SPARCL1: variants seen among roughly 807,000 people sequenced by gnomAD.
SPARCL1 encodes SPARC-like protein 1.
SPARCL1 carries 52 observed loss-of-function variants against 67.1 expected under a neutral mutation model. The ratio of observed to expected loss-of-function variants is 0.78; its 90% CI spans 0.62 to 0.98. The LOEUF (loss-of-function observed/expected upper bound fraction) is 0.98, where lower values mean the gene tolerates loss of function less well. Ranked by LOEUF, SPARCL1 falls within the 50% of genes least tolerant of loss-of-function variation. The probability of loss-of-function intolerance (pLI) is 0.00; values close to 1 mark genes in which losing one functional copy is unlikely to be tolerated. For missense variants in SPARCL1, 717 were observed against 782.4 expected (o/e 0.92, Z 1.00); for synonymous variants, 226 against 267.8 (o/e 0.84, Z 1.52).
rs57597004 is a variant in SPARCL1 at position 87,486,888 on chromosome 4, C to CTTT, written c.1531+3382_1531+3384dup. 7.5e-4 allele frequency among the ~76,000 whole-genome samples: 21 copies of CTTT among 27,984 alleles called. 1 individual carries two copies. The highest frequency in any genetic ancestry group is 1.1e-3 in the Non-Finnish European group (16 of 14,146). 18.4% of individuals were successfully genotyped at this position (27,984 alleles called of 152,430 possible). ...TCTGAGGCTAGTATTGCAATTCCTG[C>CTTT]TTTTTTTTTTTTTTTTTTTTTTTTT... On this transcript the variant is annotated intron_variant, in intron 7 of 10. Coordinates refer to ENST00000282470, the MANE Select transcript of SPARCL1 (RefSeq NM_004684.6).
In SPARCL1 at chr4:87,493,652, A is replaced by G. The variant is rs144036698; in HGVS notation, c.1148T>C (p.Ile383Thr). Residue 383 changes from isoleucine (I) to threonine (T), a missense_variant, in exon 4 of 11, where the codon ATT becomes ACT. Transcript: ENST00000282470. The stretch of plus-strand genomic sequence containing the variant: ...ATGTACTTTTTCTCTTTGCTCCTCA[A>G]TTTTGAGGTGATAGGCAATGGATTG... Reference protein sequence around the residue: ...RAQSIAYHLKIEEQREKVHEN... With the variant: ...RAQSIAYHLKTEEQREKVHEN... 236 of 1,614,050 alleles carry G rather than the reference A, an allele frequency of 1.5e-4. No individual in the cohort carries two copies. The African/African-American group carries it at 2.9e-3, about 20-fold the overall frequency.
At chr4:87,493,430 A>C in intron 4 of SPARCL1, 152 bp downstream of exon 4, 4 of 609,034 alleles carry the variant, frequency 6.6e-6, no homozygotes, top group African/African-American at 3.7e-5. Flanking sequence ...GCCTAATGAT[A>C]GAGATAGACC....
At chr4:87,491,960 A>C (rs1724365532) in intron 4 of SPARCL1, among the ~76,000 whole-genome samples, 1 of 139,180 alleles carries the variant, frequency 7.2e-6, no homozygotes, top group South Asian at 2.7e-4. Flanking sequence ...CCCCCCAAAA[A>C]AAAAAAAATT....
chr4:87,501,006 T>C (rs1032217835), intron 1 of SPARCL1, among the ~76,000 whole-genome samples: 3 of 152,244 alleles, frequency 2.0e-5, no homozygotes, highest in Non-Finnish European at 2.9e-5. Context: ...ATTGCCTTCC[T>C]TTTAAAGCTT....
intron 10 of SPARCL1, 142 bp downstream of exon 10, chr4:87,479,288 G>C: frequency 1.3e-6 from 1 of 786,780 alleles, no homozygotes; most frequent in Non-Finnish European, 2.1e-6. Flanking sequence ...TGCACCAAGG[G>C]AGTCCTATCT....
intron 1 of SPARCL1, chr4:87,505,029 T>C (rs1335175590): frequency 1.3e-5 from 2 of 152,188 alleles, no homozygotes; most frequent in African/African-American, 4.8e-5. Context: ...CTCTAATACA[T>C]TGAAAAACAC....
At chr4:87,521,375 T>C (rs1427436238) in intron 1 of SPARCL1, among the ~76,000 whole-genome samples, 1 of 152,204 alleles carries the variant, frequency 6.6e-6, no homozygotes, top group Non-Finnish European at 1.5e-5. Context: ...AACCAGACTG[T>C]AAACGCAGTC....
intron 1 of SPARCL1, among the ~76,000 whole-genome samples, chr4:87,524,866 A>T (rs936497801): frequency 6.6e-6 from 1 of 152,184 alleles, no homozygotes; most frequent in Non-Finnish European, 1.5e-5. Context: ...TATTTTAGTT[A>T]ATCATACAAT....
In SPARCL1 at chr4:87,506,819, AT is replaced by A. The variant is rs1377262202; in HGVS notation, c.-11-7235del. Reference sequence around the variant, plus strand: ...TATCTATCTATCTATCTATCTATCTATCTATCTACCTACCTACCTACCTACC... The same window carrying A: ...TATCTATCTATCTATCTATCTATCTACTATCTACCTACCTACCTACCTACC... On this transcript the variant is annotated intron_variant, in intron 1 of 10. Coordinates refer to ENST00000282470, the MANE Select transcript of SPARCL1 (RefSeq NM_004684.6). Among the ~76,000 whole-genome samples, 43 of 146,476 alleles carry A rather than the reference AT, an allele frequency of 2.9e-4. 1 individual carries two copies. Among genetic ancestry groups the A allele is most frequent in the African/African-American group, 5.4e-4 (20 of 36,804 alleles).
intron 1 of SPARCL1, among the ~76,000 whole-genome samples, chr4:87,510,629 CT>C: frequency 6.6e-6 from 1 of 152,194 alleles, no homozygotes; most frequent in Non-Finnish European, 1.5e-5. Flanking sequence ...CTGAGAGCCG[CT>C]TTCGTCACTG....
At chr4:87,490,068 C>T (rs1436093372) in intron 7 of SPARCL1, among the ~76,000 whole-genome samples, 1 of 152,152 alleles carries the variant, frequency 6.6e-6, no homozygotes, top group African/African-American at 2.4e-5. Flanking sequence ...AAAACAATGT[C>T]AGGATTCCAA....
chr4:87,510,283 G>A (rs1356800215), intron 1 of SPARCL1, among the ~76,000 whole-genome samples: 2 of 152,108 alleles, frequency 1.3e-5, no homozygotes, highest in East Asian at 3.9e-4. Context: ...GCAACAGGAG[G>A]CAGAGAAACT....
At chr4:87,495,266 T>C (rs751308014) in intron 2 of SPARCL1, 139 bp from the exon 3 acceptor site, 63 of 689,998 alleles carry the variant, frequency 9.1e-5, no homozygotes, top group Non-Finnish European at 1.4e-4. Flanking sequence ...CTCTAGAGTT[T>C]TTGAGGATAT....
chr4:87,521,299 ACTT>A (rs532788643), intron 1 of SPARCL1, among the ~76,000 whole-genome samples: 135 of 152,212 alleles, frequency 8.9e-4, no homozygotes, highest in Admixed American at 2.4e-3. Context: ...GCCTTGCTGT[ACTT>A]CTTCTTTCTA....
rs568984789 is a variant in SPARCL1, at chr4:87,514,033, A to C, written c.-11-14448T>G. 1.3e-3 allele frequency among the ~76,000 whole-genome samples: 205 copies of C among 152,226 alleles called. 1 individual carries two copies. Among genetic ancestry groups the C allele is most frequent in the Non-Finnish European group, 2.6e-3 (175 of 68,018 alleles). Reference sequence around the variant, plus strand: ...ACATGGTGAAACCCCGTCTCTACTGAAAACACAAAAACTAGCTGGGCGTGG... The same window carrying C: ...ACATGGTGAAACCCCGTCTCTACTGCAAACACAAAAACTAGCTGGGCGTGG... On this transcript the variant is annotated intron_variant, in intron 1 of 10. Transcript: ENST00000282470.
chr4:87,497,293 G>A (rs985127700), intron 2 of SPARCL1: 45 of 874,572 alleles, frequency 5.1e-5, no homozygotes, highest in Non-Finnish European at 6.0e-5. Flanking sequence ...AAAGAAGGGG[G>A]AAAAGGAGAA....
At chr4:87,475,929 G>A (rs1723565993) in intron 10 of SPARCL1, among the ~76,000 whole-genome samples, 1 of 152,202 alleles carries the variant, frequency 6.6e-6, no homozygotes, top group Non-Finnish European at 1.5e-5. Flanking sequence ...GCACTCATAT[G>A]CTCGTTGCAG....
intron 1 of SPARCL1, among the ~76,000 whole-genome samples, chr4:87,527,430 G>A (rs1195940922): frequency 6.6e-6 from 1 of 152,164 alleles, no homozygotes; most frequent in Non-Finnish European, 1.5e-5. Context: ...TTCCCAACCA[G>A]TTCTGGATAT....
At chr4:87,491,386 C>T (rs554205247) in intron 5 of SPARCL1, among the ~76,000 whole-genome samples, 69 of 152,118 alleles carry the variant, frequency 4.5e-4, no homozygotes, top group African/African-American at 1.6e-3. Flanking sequence ...AACTCTAGCC[C>T]TTTCACTAAT....
Sources: gnomAD v4.1 joint callset for allele counts (sites outside exome capture counted in the v4.1 genomes callset) on GRCh38, gnomAD v4.1.1 for gene constraint, MANE v1.5 for transcripts, NCBI Gene and HGNC (gene_info 2026-07-23, HGNC 2026-07-21) for gene names.